Variants in ATG10 observed in about 807,000 individuals in gnomAD.
ATG10 encodes ubiquitin-like-conjugating enzyme ATG10.
Under a neutral mutation model 32.1 loss-of-function variants are expected in ATG10, and 30 were observed. That is an observed-to-expected ratio of 0.94 (90% CI 0.70 to 1.27). The LOEUF (loss-of-function observed/expected upper bound fraction) is 1.27, where lower values mean the gene tolerates loss of function less well. ATG10 is among the 50% of genes most tolerant of loss of function. ATG10 has a pLI of 0.00. For synonymous variants in ATG10, 87 were observed against 91.5 expected (o/e 0.95, Z 0.28); for missense variants, 233 against 262.3 (o/e 0.89, Z 0.77).
Position 82,050,789 on chromosome 5 carries a change from G to A in ATG10, c.109-7706G>A, listed in dbSNP as rs548010535. ...AGTTGAGGCAGGAGGATTGTTTGAG[G>A]CCAGGAGTTTGAGACCAGCCTAGGC... is the stretch of plus-strand genomic sequence containing the variant. On this transcript the variant is annotated intron_variant, in intron 2 of 7. Coordinates refer to ENST00000282185, the MANE Select transcript of ATG10 (RefSeq NM_031482.5). Among the ~76,000 whole-genome samples, 16 of 145,126 alleles carry A rather than the reference G, an allele frequency of 1.1e-4. No individual in the cohort carries two copies. In the East Asian group the frequency reaches 2.8e-3, roughly 26 times the overall value.
At chr5:82,139,004 C>T (rs182612100) in intron 3 of ATG10, among the ~76,000 whole-genome samples, 2,005 of 150,960 alleles carry the variant, frequency 0.013, 28 homozygotes, top group African/African-American at 0.045. Context: ...AGGCACGCGC[C>T]GCCACGCCTG....
At chr5:82,218,296 A>G (rs1251619973) in intron 5 of ATG10, among the ~76,000 whole-genome samples, 1 of 152,220 alleles carries the variant, frequency 6.6e-6, no homozygotes, top group Non-Finnish European at 1.5e-5. Context: ...CTTTCCTGCT[A>G]CAGATTCAAA....
intron 3 of ATG10, among the ~76,000 whole-genome samples, chr5:82,083,518 G>A (rs550698763): frequency 2.6e-5 from 4 of 152,282 alleles, no homozygotes; most frequent in East Asian, 3.9e-4. Context: ...ATCTGAGAAC[G>A]GACAGACTGC....
At chr5:82,162,721 G>GCATT (rs1054362797) in intron 3 of ATG10, among the ~76,000 whole-genome samples, 1 of 150,522 alleles carries the variant, frequency 6.6e-6, no homozygotes, top group African/African-American at 2.4e-5. Flanking sequence ...TATAGAGAAG[G>GCATT]CATTAAAAGG....
chr5:82,157,639 T>C (rs1350263852), intron 3 of ATG10, among the ~76,000 whole-genome samples: 1 of 152,246 alleles, frequency 6.6e-6, no homozygotes, highest in Non-Finnish European at 1.5e-5. Flanking sequence ...ATTCTTTATT[T>C]CTTGAGGAAT....
At chr5:82,143,285 T>C (rs186764551) in intron 3 of ATG10, among the ~76,000 whole-genome samples, 43 of 152,254 alleles carry the variant, frequency 2.8e-4, no homozygotes, top group South Asian at 1.2e-3. Flanking sequence ...AAGTCAGAGA[T>C]GTGAGGATGA....
chr5:82,027,653 A>AT (rs1395188455), intron 2 of ATG10, among the ~76,000 whole-genome samples: 7 of 152,128 alleles, frequency 4.6e-5, no homozygotes, highest in Non-Finnish European at 8.8e-5. Context: ...AAAAATACTT[A>AT]TTTTTTTACA....
At chr5:81,979,244 C>G (rs1760958924) in intron 1 of ATG10, among the ~76,000 whole-genome samples, 1 of 146,146 alleles carries the variant, frequency 6.8e-6, no homozygotes, top group South Asian at 2.5e-4. Context: ...AAAATGTTTA[C>G]TGGCTGGGCA....
At chr5:82,169,819 T>G (rs1020902941) in intron 4 of ATG10, among the ~76,000 whole-genome samples, 12 of 152,296 alleles carry the variant, frequency 7.9e-5, no homozygotes, top group Middle Eastern at 3.4e-3. Context: ...GTTATCTAAC[T>G]AATACAAATA....
chr5:82,188,570 C>T (rs980666373), intron 5 of ATG10, among the ~76,000 whole-genome samples: 2 of 152,082 alleles, frequency 1.3e-5, no homozygotes, highest in Non-Finnish European at 2.9e-5. Flanking sequence ...AACTTCAAGT[C>T]TGAGGAATAT....
intron 5 of ATG10, among the ~76,000 whole-genome samples, chr5:82,183,539 C>T (rs1373458247): frequency 2.0e-5 from 3 of 151,902 alleles, no homozygotes; most frequent in African/African-American, 4.8e-5. Flanking sequence ...CTGGGTATGC[C>T]GTCGGGGGGA....
At chr5:82,162,580 A>G (rs374341695) in intron 3 of ATG10, among the ~76,000 whole-genome samples, 2 of 152,182 alleles carry the variant, frequency 1.3e-5, no homozygotes, top group Non-Finnish European at 1.5e-5. Context: ...ATGCAAGGGT[A>G]TATGTGCTGT....
chr5:82,117,947 A>G (rs1363098949), intron 3 of ATG10, among the ~76,000 whole-genome samples: 1 of 152,098 alleles, frequency 6.6e-6, no homozygotes, highest in Non-Finnish European at 1.5e-5. Context: ...ATAGAAAGAT[A>G]ACAGAGTCAT....
At chr5:82,150,689 A>C (rs539916097) in intron 3 of ATG10, among the ~76,000 whole-genome samples, 60 of 152,294 alleles carry the variant, frequency 3.9e-4, no homozygotes, top group African/African-American at 1.3e-3. Flanking sequence ...ACAGTCGTCC[A>C]CAGGGCTGGC....
intron 3 of ATG10, among the ~76,000 whole-genome samples, chr5:82,075,595 G>T (rs772998803): frequency 1.3e-5 from 2 of 152,030 alleles, no homozygotes; most frequent in African/African-American, 2.4e-5. Flanking sequence ...AGTAACTTTG[G>T]AGTAAATAAA....
chr5:81,998,943 A>T (rs1761749224), intron 2 of ATG10, among the ~76,000 whole-genome samples: 1 of 152,202 alleles, frequency 6.6e-6, no homozygotes, highest in African/African-American at 2.4e-5. Context: ...ATAGCAGGAG[A>T]CTTTAACACC....
chr5:82,045,984 G>A (rs1763224574), intron 2 of ATG10, among the ~76,000 whole-genome samples: 2 of 152,162 alleles, frequency 1.3e-5, no homozygotes, highest in African/African-American at 4.8e-5. Context: ...AAAGCTGTTA[G>A]TACCCTCTGC....
chr5:82,027,299 T>C (rs774377245), intron 2 of ATG10, among the ~76,000 whole-genome samples: 2 of 151,902 alleles, frequency 1.3e-5, no homozygotes, highest in Admixed American at 6.6e-5. Flanking sequence ...CTCAAAAGGC[T>C]GAGGTGGGAG....
chr5:82,149,827 G>A (rs1366875571), intron 3 of ATG10, among the ~76,000 whole-genome samples: 1 of 152,126 alleles, frequency 6.6e-6, no homozygotes, highest in Non-Finnish European at 1.5e-5. Flanking sequence ...TCTGTCCTAT[G>A]GGAAGGTGGT....
Sources: allele counts gnomAD v4.1 joint callset (sites outside exome capture counted in the v4.1 genomes callset), GRCh38; gene constraint gnomAD v4.1.1; transcripts MANE v1.5; gene names NCBI Gene and HGNC (gene_info 2026-07-23, HGNC 2026-07-21).